The following ATP2A2 variants were observed in gnomAD, a reference collection of about 807,000 sequenced individuals.
ATP2A2 encodes the protein ATPase sarcoplasmic/endoplasmic reticulum Ca2+ transporting 2.
Under a neutral mutation model 109.3 loss-of-function variants are expected in ATP2A2, and 14 were observed. The ratio of observed to expected loss-of-function variants is 0.13; its 90% CI spans 0.08 to 0.20. ATP2A2 has a LOEUF of 0.20. ATP2A2 is among the 10% of genes least tolerant of loss of function. ATP2A2 has a pLI of 1.00. For missense variants in ATP2A2, 657 were observed against 1,321.6 expected, an observed-to-expected ratio of 0.50 and a Z score of 7.80; for synonymous variants, 506 against 490.9, an observed-to-expected ratio of 1.03 and a Z score of -0.41.
Position 110,342,143 on chromosome 12 carries a change from C to T in ATP2A2, c.2098-85C>T. 2 of 1,478,570 alleles carry T rather than the reference C, an allele frequency of 1.4e-6. No homozygotes were observed. The highest frequency in any genetic ancestry group is 1.1e-5 in the South Asian group (1 of 87,738). The allele number at this position is 1,478,570 out of a possible 1,614,324, so 91.6% of individuals were successfully genotyped here. On this transcript the variant is annotated intron_variant, in intron 14 of 19. Coordinates refer to ENST00000539276, the MANE Select transcript of ATP2A2 (RefSeq NM_170665.4). The surrounding 1 kb of genome is among the most constrained non-coding windows in gnomAD (Gnocchi z 4.6). ...GACCTACGGCTCTATTCATTTTCCT[C>T]CTGCTTCCCATTCAGTGGGCTTTTG...
In ATP2A2 at chr12:110,335,074, C is replaced by T. The variant is rs111343986; in HGVS notation, c.1419+931C>T. ...CAGAGTCTTTGAGACAGGGCTCATT[C>T]GACCAGCATCACTATGACAAGGGCC... On this transcript the variant is annotated intron_variant, in intron 11 of 19. Transcript: ENST00000539276. Among the ~76,000 whole-genome samples, 15 of 152,220 alleles carry T rather than the reference C, an allele frequency of 9.9e-5. 1 individual carries two copies. The highest frequency in any genetic ancestry group is 3.1e-4 in the African/African-American group (13 of 41,540).
rs114311912 is a variant in ATP2A2 at position 110,299,612 on chromosome 12, C to T, written c.463+2875C>T. Reference sequence around the variant, plus strand: ...GTGAGCCTCTGACTTAGTTACAAAACAGCAGATTTGTTTTGTTTTGTTTTG... The same window carrying T: ...GTGAGCCTCTGACTTAGTTACAAAATAGCAGATTTGTTTTGTTTTGTTTTG... On this transcript the variant is annotated intron_variant, in intron 5 of 19. Transcript: ENST00000539276. Among the ~76,000 whole-genome samples the T allele has an allele frequency of 5.8e-3, 880 of 152,230 alleles. 9 individuals are homozygous for T. Among genetic ancestry groups the T allele is most frequent in the African/African-American group, 0.02 (830 of 41,526 alleles).
chr12:110,329,856 T>G (rs1878172437), intron 8 of ATP2A2: 1 of 152,264 alleles, frequency 6.6e-6, no homozygotes, highest in Non-Finnish European at 1.5e-5. Flanking sequence ...TAGGTTTTGC[T>G]TAAACAACTT....
rs1259105894 is a variant in ATP2A2 at position 110,348,376 on chromosome 12, C to A, written c.*1906C>A. On this transcript the variant is annotated 3_prime_UTR_variant, in exon 20 of 20. Transcript: ENST00000539276. ...TGCACAGCCCAAAAACCAGCTTACT[C>A]CTTAGCCAGGGTGTGAGGCCTCGAC... is the stretch of plus-strand genomic sequence containing the variant. 2 of 985,266 alleles carry A rather than the reference C, an allele frequency of 2.0e-6. No individual in the cohort carries two copies. Among genetic ancestry groups the A allele is most frequent in the Admixed American group, 6.2e-5 (1 of 16,242 alleles). 61.0% of individuals were successfully genotyped at this position (985,266 alleles called of 1,614,324 possible).
intron 5 of ATP2A2, among the ~76,000 whole-genome samples, chr12:110,297,642 G>A (rs1410060040): frequency 6.6e-6 from 1 of 151,196 alleles, no homozygotes; most frequent in Non-Finnish European, 1.5e-5. Context: ...TTTTGAGATG[G>A]GAGTCTCACT....
intron 5 of ATP2A2, among the ~76,000 whole-genome samples, chr12:110,312,190 C>CA (rs1287927208): frequency 1.3e-5 from 2 of 151,432 alleles, no homozygotes; most frequent in Admixed American, 1.3e-4. Context: ...CTCTGTCTCC[C>CA]AAAAAAAGTT....
At chr12:110,319,397 G>C (rs1379896124) in intron 5 of ATP2A2, among the ~76,000 whole-genome samples, 1 of 151,710 alleles carries the variant, frequency 6.6e-6, no homozygotes. Context: ...TAGAACAGCT[G>C]TGGTCAGTAT....
At chr12:110,336,821 T>A (rs1354787354) in intron 11 of ATP2A2, among the ~76,000 whole-genome samples, 2 of 152,226 alleles carry the variant, frequency 1.3e-5, no homozygotes, top group Non-Finnish European at 2.9e-5. Context: ...TCTACCCATG[T>A]GTCTTCCATG....
intron 5 of ATP2A2, among the ~76,000 whole-genome samples, chr12:110,299,424 A>G (rs1874313226): frequency 6.6e-6 from 1 of 152,162 alleles, no homozygotes; most frequent in African/African-American, 2.4e-5. Flanking sequence ...AGAATAATGA[A>G]GGAAAGATTT....
chr12:110,324,351 G>C (rs529902840), intron 6 of ATP2A2, among the ~76,000 whole-genome samples: 22 of 152,240 alleles, frequency 1.4e-4, no homozygotes, highest in African/African-American at 5.1e-4. Context: ...GCCATAAAAT[G>C]TTGGAGAAAT....
chr12:110,312,723 G>A (rs1410791742), intron 5 of ATP2A2, among the ~76,000 whole-genome samples: 1 of 151,766 alleles, frequency 6.6e-6, no homozygotes, highest in Non-Finnish European at 1.5e-5. Flanking sequence ...GGTGGTGGAT[G>A]CCTGTAATCC....
Position 110,342,157 on chromosome 12 carries a change from A to C in ATP2A2, c.2098-71A>C, listed in dbSNP as rs972511847. 45 of 1,535,496 alleles carry C rather than the reference A, an allele frequency of 2.9e-5. No homozygotes were observed. Among genetic ancestry groups the C allele is most frequent in the Non-Finnish European group, 3.7e-5 (41 of 1,108,984 alleles). ...TTCATTTTCCTCCTGCTTCCCATTC[A>C]GTGGGCTTTTGCCTAGGGGTATGAA... is the stretch of plus-strand genomic sequence containing the variant. On this transcript the variant is annotated intron_variant, in intron 14 of 19. Coordinates refer to ENST00000539276, the MANE Select transcript of ATP2A2 (RefSeq NM_170665.4). This position sits in a 1 kb window ranked among gnomAD's most constrained non-coding sequence, Gnocchi z 4.6.
At position 110,350,165 on chromosome 12, in the gene ATP2A2, C is replaced by T. The variant is rs1880266881; in HGVS notation, c.*3695C>T. ...TAAATCAGAAATGCTGGTCTTGAAA[C>T]CTTGAAAAGATCAAGCTGAATGTTC... On this transcript the variant is annotated 3_prime_UTR_variant, in exon 20 of 20. Coordinates refer to ENST00000539276, the MANE Select transcript of ATP2A2 (RefSeq NM_170665.4). 6.3e-7 allele frequency: 1 copy of T among 1,588,766 alleles called. No individual in the cohort carries two copies. Among genetic ancestry groups the T allele is most frequent in the South Asian group, 1.1e-5 (1 of 88,638 alleles).
chr12:110,337,397 T>G (rs1878935898), intron 11 of ATP2A2, among the ~76,000 whole-genome samples: 1 of 152,228 alleles, frequency 6.6e-6, no homozygotes, highest in Admixed American at 6.5e-5. Flanking sequence ...GGTCCACGCC[T>G]TCCTCAGAAT....
At chr12:110,344,358 A>C (rs1007964015) in intron 16 of ATP2A2, among the ~76,000 whole-genome samples, 4 of 152,096 alleles carry the variant, frequency 2.6e-5, no homozygotes, top group African/African-American at 7.2e-5. Context: ...TACTGGGGGG[A>C]ATCCCAGAAG....
At chr12:110,345,913 C>A (rs1259607580) in intron 18 of ATP2A2, 88 bp from the exon 19 acceptor site, 2 of 1,314,258 alleles carry the variant, frequency 1.5e-6, no homozygotes, top group African/African-American at 1.4e-5. Context: ...AGCCGCCTTA[C>A]TGAAGTGTAG....
chr12:110,311,461 C>T (rs953288574), intron 5 of ATP2A2, among the ~76,000 whole-genome samples: 4 of 151,800 alleles, frequency 2.6e-5, no homozygotes, highest in Non-Finnish European at 5.9e-5. Context: ...CAGTGGCAGG[C>T]ACCCGTAACC....
intron 14 of ATP2A2, 65 bp downstream of exon 14, chr12:110,341,059 G>C: frequency 1.3e-6 from 2 of 1,565,542 alleles, no homozygotes; most frequent in Non-Finnish European, 1.7e-6. Flanking sequence ...CTCTAATTTT[G>C]ACCACTGAAT....
chr12:110,340,912 C>G lies in ATP2A2; in HGVS notation c.2015C>G (p.Ala672Gly). 3.1e-6 allele frequency: 5 copies of G among 1,614,244 alleles called. No homozygotes were observed. Among genetic ancestry groups the G allele is most frequent in the Non-Finnish European group, 4.2e-6 (5 of 1,180,046 alleles). ...PSAQRDACLNARCFARVEPSH... is the reference protein window; with the variant it reads ...PSAQRDACLNGRCFARVEPSH... ...GCCCAGCGAGACGCCTGCCTGAACGCCCGCTGTTTTGCTCGAGTTGAACCC... is the reference window on the plus strand; with the variant it reads ...GCCCAGCGAGACGCCTGCCTGAACGGCCGCTGTTTTGCTCGAGTTGAACCC... The change falls in exon 14 of 20, where the codon GCC becomes GGC. Residue 672 changes from alanine (A) to glycine (G), a missense_variant. By Grantham distance (60) the Ala-to-Gly change is moderately conservative. Around this residue, in one of 9 missense-constraint regions of ATP2A2, gnomAD observed 180 missense variants for 329.1 expected, o/e 0.55. Transcript: ENST00000539276. The surrounding 1 kb of genome is among the most constrained non-coding windows in gnomAD (Gnocchi z 6.0).
Sources: allele counts gnomAD v4.1 joint callset (sites outside exome capture counted in the v4.1 genomes callset), GRCh38; gene constraint gnomAD v4.1.1; regional missense constraint gnomAD v4.1.1; non-coding constraint Gnocchi (gnomAD v3.1); transcripts MANE v1.5; gene names NCBI Gene and HGNC (gene_info 2026-07-23, HGNC 2026-07-21).